Variants in SIGLEC5 observed in about 807,000 individuals in gnomAD.
The protein encoded by SIGLEC5 is sialic acid binding Ig like lectin 5.
A neutral mutation model predicts 45.9 loss-of-function variants in SIGLEC5; 34 were observed. That is an observed-to-expected ratio of 0.74 (90% CI 0.56 to 0.99). The LOEUF is 0.99. SIGLEC5 is among the 50% of genes least tolerant of loss of function. SIGLEC5 has a pLI of 0.00. For synonymous variants in SIGLEC5, 203 were observed against 258.6 expected, an observed-to-expected ratio of 0.79 and a Z score of 2.06; for missense variants, 508 against 629.6, an observed-to-expected ratio of 0.81 and a Z score of 2.07.
chr19:51,628,205 G>A (rs984432200), intron 4 of SIGLEC5, 114 bp from the exon 5 acceptor site: 5 of 1,239,722 alleles, frequency 4.0e-6, no homozygotes, highest in Admixed American at 3.0e-5. Flanking sequence ...CCTGGCCTAT[G>A]CTGGCTTGAT....
At chr19:51,612,469 G>T in intron 8 of SIGLEC5, 47 bp from the exon 9 acceptor site, 2 of 1,356,688 alleles carry the variant, frequency 1.5e-6, no homozygotes, top group Non-Finnish European at 2.0e-6. Context: ...TAAAGAGGCA[G>T]GTGTAGAATA....
chr19:51,614,099 C>G (rs192089525), intron 8 of SIGLEC5, among the ~76,000 whole-genome samples: 1 of 152,168 alleles, frequency 6.6e-6, no homozygotes, highest in Non-Finnish European at 1.5e-5. Context: ...CTACCCATCA[C>G]GCTATGGAAA....
intron 8 of SIGLEC5, among the ~76,000 whole-genome samples, chr19:51,613,527 G>T (rs963342192): frequency 7.9e-5 from 12 of 152,052 alleles, no homozygotes; most frequent in African/African-American, 2.9e-4. Context: ...GCACAGGGCA[G>T]ACAGGGCTGG....
At chr19:51,625,561 G>A (rs1797699138) in intron 8 of SIGLEC5, among the ~76,000 whole-genome samples, 1 of 152,222 alleles carries the variant, frequency 6.6e-6, no homozygotes, top group African/African-American at 2.4e-5. Context: ...CGGGCGCGGT[G>A]GCTTACGCCT....
At position 51,627,508 on chromosome 19, in the gene SIGLEC5, G is replaced by A; in HGVS notation, c.1236C>T (p.Ala412=). 5 of 1,614,056 alleles carry A rather than the reference G, an allele frequency of 3.1e-6. No individual in the cohort carries two copies. The South Asian group carries it at 5.5e-5, about 18-fold the overall frequency. ...LSSDLKVSCK[A]WNIYGSQSGS... ...CGCTCTGGGACCCATAGATGTTCCA[G>A]GCCTTGCAGCTGACTTTGAGGTCGG... Residue 412 remains alanine, a synonymous_variant, in exon 6 of 9, where the codon GCC becomes GCT. Transcript: ENST00000683636.
intron 8 of SIGLEC5, among the ~76,000 whole-genome samples, chr19:51,620,125 A>G (rs563911071): frequency 1.6e-4 from 24 of 152,032 alleles, no homozygotes; most frequent in Non-Finnish European, 2.5e-4. Flanking sequence ...TGAAGAATAC[A>G]TAAAATGATT....
At chr19:51,614,337 G>A (rs557362581) in intron 8 of SIGLEC5, among the ~76,000 whole-genome samples, 3 of 152,178 alleles carry the variant, frequency 2.0e-5, no homozygotes, top group South Asian at 2.1e-4. Flanking sequence ...GTTTCGCCAC[G>A]TTACCCAGGT....
At position 51,627,514 on chromosome 19, in the gene SIGLEC5, G is replaced by A. The variant is rs752494690; in HGVS notation, c.1230C>T (p.Cys410=). 6.2e-7 allele frequency: 1 copy of A among 1,614,022 alleles called. No individual in the cohort carries two copies. The highest frequency in any genetic ancestry group is 8.5e-7 in the Non-Finnish European group (1 of 1,180,028). The change falls in exon 6 of 9, where the codon TGC becomes TGT. Residue 410 remains cysteine, a synonymous_variant. Transcript: ENST00000683636. The part of the protein sequence containing the change: ...GGLSSDLKVS[C]KAWNIYGSQS... ...GGGACCCATAGATGTTCCAGGCCTT[G>A]CAGCTGACTTTGAGGTCGGAGCTGA... is the stretch of plus-strand genomic sequence containing the variant.
At chr19:51,618,602 G>A (rs1983162319) in intron 8 of SIGLEC5, among the ~76,000 whole-genome samples, 2 of 151,528 alleles carry the variant, frequency 1.3e-5, no homozygotes, top group Admixed American at 6.6e-5. Flanking sequence ...GACCAGCCCG[G>A]TCAACATGAT....
At position 51,627,257 on chromosome 19, in the gene SIGLEC5, A is replaced by G; in HGVS notation, c.1283-9T>C. 1.2e-6 allele frequency: 2 copies of G among 1,612,722 alleles called. No homozygotes were observed. The highest frequency in any genetic ancestry group is 1.7e-6 in the Non-Finnish European group (2 of 1,178,868). ...CCCGAGGTTCGATCTCCCTGCAGAA[A>G]AGAGGGGCGTGCAATAACTCACTCC... On this transcript the variant is annotated splice_polypyrimidine_tract_variant and intron_variant, in intron 6 of 8. Coordinates refer to ENST00000683636, the MANE Select transcript of SIGLEC5 (RefSeq NM_003830.4).
At chr19:51,628,536 G>A (rs1983590276) in intron 4 of SIGLEC5, among the ~76,000 whole-genome samples, 1 of 152,200 alleles carries the variant, frequency 6.6e-6, no homozygotes, top group Admixed American at 6.5e-5. Flanking sequence ...GGGGTCTAAA[G>A]TCTGTTCACT....
In SIGLEC5 at chr19:51,612,101, G is replaced by A. The variant is rs1982872254; in HGVS notation, c.*130C>T. ...ACCTCTCTAATTCCATCTGCTTGGAGCACTTAAACATCAGTTAATGTTAAC... is the reference window on the plus strand; with the variant it reads ...ACCTCTCTAATTCCATCTGCTTGGAACACTTAAACATCAGTTAATGTTAAC... On this transcript the variant is annotated 3_prime_UTR_variant, in exon 9 of 9. Transcript: ENST00000683636. 1.2e-5 allele frequency: 2 copies of A among 161,400 alleles called. No individual in the cohort carries two copies. Among genetic ancestry groups the A allele is most frequent in the East Asian group, 2.1e-4 (2 of 9,388 alleles). 10.0% of individuals were successfully genotyped at this position (161,400 alleles called of 1,614,324 possible).
Position 51,629,032 on chromosome 19 carries a change from T to C in SIGLEC5, c.739+6A>G, listed in dbSNP as rs1376255339. ...GTCCCAGCTTCAGAGAGGAGGTCTT[T>C]CCTACCTATGCCGTTCCTGAAGATG... On this transcript the variant is annotated splice_donor_region_variant and intron_variant, in intron 4 of 8. Transcript: ENST00000683636. 1 of 1,613,464 alleles carries C rather than the reference T, an allele frequency of 6.2e-7. No homozygotes were observed. Among genetic ancestry groups the C allele is most frequent in the Non-Finnish European group, 8.5e-7 (1 of 1,179,652 alleles).
chr19:51,614,651 T>C (rs931397234), intron 8 of SIGLEC5, among the ~76,000 whole-genome samples: 1 of 152,032 alleles, frequency 6.6e-6, no homozygotes, highest in South Asian at 2.1e-4. Flanking sequence ...AAGGGTGAAA[T>C]TGACAACTGA....
intron 8 of SIGLEC5, among the ~76,000 whole-genome samples, chr19:51,619,781 A>G (rs982244478): frequency 1.7e-4 from 25 of 150,952 alleles, no homozygotes; most frequent in African/African-American, 5.0e-4. Context: ...AAAGATCATC[A>G]GAATAAACCA....
In SIGLEC5 at chr19:51,629,355, C is replaced by G; in HGVS notation, c.700+3G>C. The G allele has an allele frequency of 6.2e-7, 1 of 1,614,020 alleles. No homozygotes were observed. Among genetic ancestry groups the G allele is most frequent in the Non-Finnish European group, 8.5e-7 (1 of 1,180,008 alleles). ...ACTCAGCTGTGTCCCCAGCACCACT[C>G]ACAGGAGACATTGAGCTGGACAGTT... is the stretch of plus-strand genomic sequence containing the variant. On this transcript the variant is annotated splice_donor_region_variant and intron_variant, in intron 3 of 8. Coordinates refer to ENST00000683636, the MANE Select transcript of SIGLEC5 (RefSeq NM_003830.4).
intron 8 of SIGLEC5, among the ~76,000 whole-genome samples, chr19:51,625,351 C>T (rs919827597): frequency 7.9e-5 from 12 of 152,174 alleles, no homozygotes; most frequent in African/African-American, 2.7e-4. Context: ...CTCTAAGCAA[C>T]AGGAACAAAC....
chr19:51,627,703 C>T lies in SIGLEC5; in HGVS notation c.1041G>A (p.Glu347=), dbSNP rs1390324413. 2.5e-6 allele frequency: 4 copies of T among 1,602,356 alleles called. No homozygotes were observed. The highest frequency in any genetic ancestry group is 1.3e-5 in the African/African-American group (1 of 74,670). ...GAAAGGAGCATCTGCAGTGCAGACC[C>T]TCAGCCTCCCAGGAGCAGGAGGGGC... The part of the protein sequence containing the change: ...LLGPSCSWEA[E]GLHCRCSFRA... Residue 347 remains glutamate, a synonymous_variant, in exon 6 of 9, where the codon GAG becomes GAA. Coordinates refer to ENST00000683636, the MANE Select transcript of SIGLEC5 (RefSeq NM_003830.4).
rs751896325 is a variant in SIGLEC5 at position 51,627,766 on chromosome 19, A to G, written c.998-20T>C. ...GGAGGGCTGTGGGGAGGGAGGACAG[A>G]ACTCAGCAGGGGGCCTCTTCCTTCT... On this transcript the variant is annotated intron_variant, in intron 5 of 8. Coordinates refer to ENST00000683636, the MANE Select transcript of SIGLEC5 (RefSeq NM_003830.4). 25 of 1,571,216 alleles carry G rather than the reference A, an allele frequency of 1.6e-5. No homozygotes were observed. The African/African-American group carries it at 3.1e-4, about 20-fold the overall frequency.
Sources: allele counts gnomAD v4.1 joint callset (sites outside exome capture counted in the v4.1 genomes callset), GRCh38; gene constraint gnomAD v4.1.1; transcripts MANE v1.5; gene names NCBI Gene and HGNC (gene_info 2026-07-23, HGNC 2026-07-21).